The following MACROD2 variants were observed in gnomAD, a reference collection of about 807,000 sequenced individuals.
The protein encoded by MACROD2 is mono-ADP ribosylhydrolase 2.
MACROD2 carries 36 observed loss-of-function variants against 70.4 expected under a neutral mutation model. The ratio of observed to expected loss-of-function variants is 0.51; its 90% CI spans 0.39 to 0.68. MACROD2 has a LOEUF of 0.68. Ranked by LOEUF, MACROD2 falls within the 30% of genes least tolerant of loss-of-function variation. The pLI is 0.00. For synonymous variants in MACROD2, 172 were observed against 178.8 expected, an observed-to-expected ratio of 0.96 and a Z score of 0.30; for missense variants, 496 against 538.4, an observed-to-expected ratio of 0.92 and a Z score of 0.78.
At chr20:14,673,332 T>C (rs1483659679) in intron 4 of MACROD2, among the ~76,000 whole-genome samples, 2 of 152,172 alleles carry the variant, frequency 1.3e-5, no homozygotes, top group Non-Finnish European at 2.9e-5. Context: ...TTTCTGGAGC[T>C]GTGTCAATAA....
At chr20:14,277,729 G>A (rs1335824256) in intron 3 of MACROD2, among the ~76,000 whole-genome samples, 2 of 152,134 alleles carry the variant, frequency 1.3e-5, no homozygotes, top group Non-Finnish European at 2.9e-5. Flanking sequence ...GAGAGAGAGA[G>A]AAAAGAAATA....
Position 15,704,459 on chromosome 20 carries a change from G to T in MACROD2, c.646-158286G>T, listed in dbSNP as rs185579354. On this transcript the variant is annotated intron_variant, in intron 8 of 17. Transcript: ENST00000684519. ...CCTCCGTTAGAGATTGAGCTGTATT[G>T]TAGTACATAATATAGTATGAGTAAT... is the stretch of plus-strand genomic sequence containing the variant. Among the ~76,000 whole-genome samples the T allele has an allele frequency of 1.1e-3, 173 of 152,282 alleles. 2 individuals are homozygous for T. The highest frequency in any genetic ancestry group is 2.5e-4 in the Non-Finnish European group (17 of 68,030).
At chr20:15,504,286 G>C (rs1167865584) in intron 8 of MACROD2, among the ~76,000 whole-genome samples, 1 of 152,080 alleles carries the variant, frequency 6.6e-6, no homozygotes, top group South Asian at 2.1e-4. Context: ...TCAGAAACCC[G>C]AGGGGAGGAA....
chr20:14,915,719 T>C (rs979281891), intron 5 of MACROD2, among the ~76,000 whole-genome samples: 1 of 152,196 alleles, frequency 6.6e-6, no homozygotes, highest in Non-Finnish European at 1.5e-5. Context: ...TTCAGATCTT[T>C]AGATTGGAAC....
chr20:15,021,375 C>A (rs1039545370), intron 5 of MACROD2, among the ~76,000 whole-genome samples: 2 of 37,606 alleles, frequency 5.3e-5, no homozygotes, highest in African/African-American at 4.9e-4. Context: ...TGTATGCATA[C>A]GCAGTCTTCT....
intron 2 of MACROD2, among the ~76,000 whole-genome samples, chr20:14,080,840 CTG>C (rs1191006221): frequency 6.6e-6 from 1 of 152,172 alleles, no homozygotes; most frequent in Non-Finnish European, 1.5e-5. Flanking sequence ...CTTGGCATCA[CTG>C]AGAACTAAAA....
chr20:15,603,790 TA>T (rs2048856890), intron 8 of MACROD2, among the ~76,000 whole-genome samples: 1 of 152,146 alleles, frequency 6.6e-6, no homozygotes, highest in African/African-American at 2.4e-5. Flanking sequence ...CAGCAAAGAT[TA>T]TTCATGTTCA....
intron 6 of MACROD2, among the ~76,000 whole-genome samples, chr20:15,345,241 A>G (rs994117218): frequency 1.3e-5 from 2 of 152,166 alleles, no homozygotes; most frequent in Non-Finnish European, 2.9e-5. Context: ...TTAGGCTGTA[A>G]CACCTTATAA....
intron 5 of MACROD2, among the ~76,000 whole-genome samples, chr20:14,909,803 A>AT (rs540381527): frequency 7.9e-5 from 12 of 151,526 alleles, no homozygotes; most frequent in African/African-American, 1.5e-4. Context: ...ATGTTTAGCT[A>AT]TTTTTTTTTC....
chr20:15,291,748 C>T (rs1006903394), intron 6 of MACROD2, among the ~76,000 whole-genome samples: 2 of 152,068 alleles, frequency 1.3e-5, no homozygotes, highest in Non-Finnish European at 2.9e-5. Context: ...ACAGCTGCAC[C>T]TGATATATAT....
At chr20:14,329,796 A>G (rs1443944100) in intron 3 of MACROD2, among the ~76,000 whole-genome samples, 2 of 152,036 alleles carry the variant, frequency 1.3e-5, no homozygotes, top group Admixed American at 6.6e-5. Flanking sequence ...TGAAAAGACT[A>G]TTTTAAAAGC....
intron 8 of MACROD2, among the ~76,000 whole-genome samples, chr20:15,626,864 C>A (rs557380151): frequency 2.3e-4 from 35 of 150,150 alleles, no homozygotes; most frequent in South Asian, 6.3e-4. Flanking sequence ...CCCACCCCCC[C>A]AAAAAAAAAT....
chr20:15,066,797 G>A (rs1228077517), intron 5 of MACROD2, among the ~76,000 whole-genome samples: 4 of 151,348 alleles, frequency 2.6e-5, no homozygotes, highest in Admixed American at 1.3e-4. Context: ...CAGGAGAATC[G>A]CTTGAACCCG....
At chr20:15,833,405 A>G (rs2064079456) in intron 8 of MACROD2, among the ~76,000 whole-genome samples, 1 of 152,186 alleles carries the variant, frequency 6.6e-6, no homozygotes, top group Non-Finnish European at 1.5e-5. Flanking sequence ...AACACATGAC[A>G]GTTTTTATGT....
chr20:14,909,973 C>T (rs986819558), intron 5 of MACROD2, among the ~76,000 whole-genome samples: 1 of 152,080 alleles, frequency 6.6e-6, no homozygotes, highest in East Asian at 1.9e-4. Flanking sequence ...CTTGGGCATG[C>T]GTTGTTTTCT....
In MACROD2 at chr20:15,853,205, T is replaced by C. The variant is rs541652565; in HGVS notation, c.646-9540T>C. The stretch of plus-strand genomic sequence containing the variant: ...CAGGGTAGGTGTTTTAGGTACCTTA[T>C]GAATAATAACTATGCAAACAAGCAA... On this transcript the variant is annotated intron_variant, in intron 8 of 17. Transcript: ENST00000684519. Among the ~76,000 whole-genome samples, 28 of 152,278 alleles carry C rather than the reference T, an allele frequency of 1.8e-4. No individual in the cohort carries two copies. In the East Asian group the frequency reaches 3.9e-3, roughly 21 times the overall value.
chr20:14,515,465 G>GCGCACGCACACACA (rs1369248292), intron 4 of MACROD2, among the ~76,000 whole-genome samples: 10 of 127,066 alleles, frequency 7.9e-5, no homozygotes, highest in African/African-American at 3.1e-4. Context: ...ACACACACAC[G>GCGCACGCACACACA]CACACACACA....
chr20:14,100,940 C>T (rs1224006741), intron 3 of MACROD2, among the ~76,000 whole-genome samples: 3 of 148,786 alleles, frequency 2.0e-5, no homozygotes, highest in African/African-American at 7.4e-5. Context: ...GTTTTGACAT[C>T]TTTACCGTAT....
chr20:15,611,912 A>G (rs567899960), intron 8 of MACROD2, among the ~76,000 whole-genome samples: 2 of 147,994 alleles, frequency 1.4e-5, no homozygotes, highest in African/African-American at 5.0e-5. Flanking sequence ...GTATGTCTGC[A>G]TAACAAAGCA....
Sources: allele counts gnomAD v4.1 joint callset (sites outside exome capture counted in the v4.1 genomes callset), GRCh38; gene constraint gnomAD v4.1.1; transcripts MANE v1.5; gene names NCBI Gene and HGNC (gene_info 2026-07-23, HGNC 2026-07-21).